Variants in ZNF385D observed in about 807,000 individuals in gnomAD.
The protein encoded by ZNF385D is zinc finger protein 659.
A neutral mutation model predicts 35.8 loss-of-function variants in ZNF385D; 15 were observed. The observed-to-expected ratio is 0.42, with a 90% confidence interval of 0.28 to 0.64. ZNF385D has a LOEUF of 0.64. Ranked by LOEUF, ZNF385D falls within the 30% of genes least tolerant of loss-of-function variation. The pLI, the probability that ZNF385D is intolerant of heterozygous loss-of-function variation, is 0.23. For missense variants in ZNF385D, 474 were observed against 494.6 expected, an observed-to-expected ratio of 0.96 and a Z score of 0.39; for synonymous variants, 212 against 186.8, an observed-to-expected ratio of 1.13 and a Z score of -1.10.
At chr3:21,437,899 T>C (rs1266106522) in intron 4 of ZNF385D, among the ~76,000 whole-genome samples, 1 of 152,036 alleles carries the variant, frequency 6.6e-6, no homozygotes, top group African/African-American at 2.4e-5. Context: ...CGCAGGGAGT[T>C]TGTGGCAAAA....
chr3:21,490,155 T>A (rs1416408585), intron 4 of ZNF385D, among the ~76,000 whole-genome samples: 1 of 152,148 alleles, frequency 6.6e-6, no homozygotes, highest in East Asian at 1.9e-4. Flanking sequence ...TTTGTATTTT[T>A]TATATTTTTA....
chr3:21,928,087 G>C (rs1346683653), intron 3 of ZNF385D, among the ~76,000 whole-genome samples: 1 of 152,010 alleles, frequency 6.6e-6, no homozygotes, highest in Non-Finnish European at 1.5e-5. Flanking sequence ...AGCCGGCTGT[G>C]GTGGTGTGTG....
At chr3:21,485,887 C>A (rs1005585268) in intron 4 of ZNF385D, among the ~76,000 whole-genome samples, 1 of 151,690 alleles carries the variant, frequency 6.6e-6, no homozygotes, top group Non-Finnish European at 1.5e-5. Context: ...AAAAAAAACC[C>A]TTTATCTGAA....
chr3:21,980,132 A>C (rs1694344704), intron 3 of ZNF385D, among the ~76,000 whole-genome samples: 1 of 152,158 alleles, frequency 6.6e-6, no homozygotes, highest in African/African-American at 2.4e-5. Flanking sequence ...CCTTATAGAG[A>C]GGCTCTTGGG....
chr3:22,277,335 G>A (rs1701480716), intron 2 of ZNF385D, among the ~76,000 whole-genome samples: 1 of 152,048 alleles, frequency 6.6e-6, no homozygotes, highest in Non-Finnish European at 1.5e-5. Context: ...AGAATCCCTA[G>A]ACACAACCTG....
chr3:22,094,385 G>GAGAGATAT (rs1491256865), intron 3 of ZNF385D, among the ~76,000 whole-genome samples: 2 of 70,828 alleles, frequency 2.8e-5, no homozygotes, highest in African/African-American at 8.6e-5. Context: ...ATTTATTGTT[G>GAGAGATAT]ATATATATAT....
intron 2 of ZNF385D, among the ~76,000 whole-genome samples, chr3:21,575,698 G>A (rs1345053769): frequency 6.6e-6 from 1 of 152,066 alleles, no homozygotes; most frequent in African/African-American, 2.4e-5. Flanking sequence ...AGTCTTCCCA[G>A]GCATGGAAGT....
At chr3:22,085,935 C>T (rs1701013242) in intron 3 of ZNF385D, among the ~76,000 whole-genome samples, 1 of 152,182 alleles carries the variant, frequency 6.6e-6, no homozygotes, top group Non-Finnish European at 1.5e-5. Flanking sequence ...ATCACATAAA[C>T]ACAACCAATG....
At chr3:22,299,975 A>G (rs141405544) in intron 2 of ZNF385D, among the ~76,000 whole-genome samples, 15 of 152,108 alleles carry the variant, frequency 9.9e-5, no homozygotes, top group Admixed American at 9.8e-4. Flanking sequence ...TTCATATGGA[A>G]CCACAAAAGA....
intron 2 of ZNF385D, among the ~76,000 whole-genome samples, chr3:22,323,577 C>T (rs1384197022): frequency 2.0e-5 from 3 of 152,098 alleles, no homozygotes; most frequent in African/African-American, 7.2e-5. Flanking sequence ...CTAAAGACAG[C>T]TAACTTTCTT....
chr3:21,958,109 C>T (rs1324893813), intron 3 of ZNF385D, among the ~76,000 whole-genome samples: 2 of 152,072 alleles, frequency 1.3e-5, no homozygotes, highest in Non-Finnish European at 2.9e-5. Context: ...TAATCTTTAT[C>T]CTCCCTGAAA....
intron 3 of ZNF385D, among the ~76,000 whole-genome samples, chr3:22,005,778 T>G (rs1003158925): frequency 2.0e-5 from 3 of 152,082 alleles, no homozygotes; most frequent in African/African-American, 7.2e-5. Context: ...AAGTGTGAAA[T>G]ACTAAGTGAT....
chr3:21,825,815 G>A (rs1485389099), intron 3 of ZNF385D, among the ~76,000 whole-genome samples: 3 of 152,158 alleles, frequency 2.0e-5, no homozygotes, highest in South Asian at 2.1e-4. Flanking sequence ...CCAGTCCCTC[G>A]CTTGTTAGGA....
rs1426837169 is a variant in ZNF385D at position 22,141,868 on chromosome 3, AG to A, written c.325+26948del. Among the ~76,000 whole-genome samples the A allele has an allele frequency of 2.0e-5, 3 of 152,252 alleles. No individual in the cohort carries two copies. The East Asian group carries it at 5.8e-4, about 29-fold the overall frequency. On this transcript the variant is annotated intron_variant, in intron 3 of 5. Transcript: ENST00000494108. ...TGACCAAGGACAATTAGCAAAGTTC[AG>A]TGATCTTTATCCCAAAGACAGTACT...
chr3:21,664,419 A>C (rs1369350473), intron 2 of ZNF385D, among the ~76,000 whole-genome samples: 2 of 152,230 alleles, frequency 1.3e-5, no homozygotes, highest in African/African-American at 4.8e-5. Flanking sequence ...GGTGGGAAGA[A>C]AGTGCTGTAT....
chr3:21,662,678 TG>T (rs1348517929), intron 2 of ZNF385D, among the ~76,000 whole-genome samples: 1 of 152,074 alleles, frequency 6.6e-6, no homozygotes, highest in Non-Finnish European at 1.5e-5. Flanking sequence ...TGACCATCAC[TG>T]GAAGGGAATA....
chr3:22,159,097 AG>A (rs1705779840), intron 3 of ZNF385D, among the ~76,000 whole-genome samples: 1 of 152,030 alleles, frequency 6.6e-6, no homozygotes, highest in African/African-American at 2.4e-5. Flanking sequence ...GAAACAAGGT[AG>A]CTCTATGTGT....
intron 3 of ZNF385D, among the ~76,000 whole-genome samples, chr3:21,964,412 T>TAAATAAA (rs1702766342): frequency 1.4e-5 from 1 of 71,484 alleles, no homozygotes; most frequent in African/African-American, 4.3e-5. Context: ...GTCCTTTTTG[T>TAAATAAA]AAAAAAAAAA....
chr3:21,483,134 G>T (rs1017053349), intron 4 of ZNF385D, among the ~76,000 whole-genome samples: 43 of 152,022 alleles, frequency 2.8e-4, no homozygotes, highest in Admixed American at 1.7e-3. Flanking sequence ...ATAGTTATTT[G>T]TACTACCCCA....
Sources: gnomAD v4.1 joint callset for allele counts (sites outside exome capture counted in the v4.1 genomes callset) on GRCh38, gnomAD v4.1.1 for gene constraint, MANE v1.5 for transcripts, NCBI Gene and HGNC (gene_info 2026-07-23, HGNC 2026-07-21) for gene names.